Variants in ELAVL2 observed in about 807,000 individuals in gnomAD.
ELAVL2 encodes the protein ELAV like RNA binding protein 2, also known as ELAV-like protein 2.
A neutral mutation model predicts 34.6 loss-of-function variants in ELAVL2; 4 were observed. The observed-to-expected ratio is 0.12, with a 90% CI of 0.06 to 0.26. ELAVL2 has a LOEUF of 0.26. Among genes scored for constraint, ELAVL2 ranks in the 10% least tolerant of loss-of-function variants. The pLI is 1.00. For missense variants in ELAVL2, 432 were observed against 442.8 expected, an observed-to-expected ratio of 0.98 and a Z score of 0.22; for synonymous variants, 193 against 154.8, an observed-to-expected ratio of 1.25 and a Z score of -1.83.
chr9:23,739,822 C>A (rs931267663), intron 2 of ELAVL2, among the ~76,000 whole-genome samples: 8 of 152,004 alleles, frequency 5.3e-5, no homozygotes, highest in African/African-American at 1.9e-4. Context: ...ACTAAGCAGT[C>A]CATCAAGAGG....
At chr9:23,699,001 T>A (rs146232552) in intron 5 of ELAVL2, among the ~76,000 whole-genome samples, 1 of 152,222 alleles carries the variant, frequency 6.6e-6, no homozygotes, top group Non-Finnish European at 1.5e-5. Flanking sequence ...TTTCTCCCAT[T>A]TTCTGAAACC....
upstream of ELAVL2, among the ~76,000 whole-genome samples, chr9:23,829,232 G>A (rs77653299): frequency 6.6e-6 from 1 of 152,174 alleles, no homozygotes; most frequent in Non-Finnish European, 1.5e-5. Flanking sequence ...AGTTGCAAAA[G>A]AATAGTTCTC....
chr9:23,811,467 A>G (rs897453107), intron 1 of ELAVL2, among the ~76,000 whole-genome samples: 2 of 152,248 alleles, frequency 1.3e-5, no homozygotes, highest in African/African-American at 4.8e-5. Flanking sequence ...CCTGGAAGAC[A>G]TGGCCTTAGC....
chr9:23,705,791 G>A (rs923439674), intron 3 of ELAVL2, among the ~76,000 whole-genome samples: 3 of 152,154 alleles, frequency 2.0e-5, no homozygotes, highest in African/African-American at 7.2e-5. Context: ...GCTCACCTCT[G>A]GCTGTGTGCA....
chr9:23,726,375 T>A (rs932941445), intron 3 of ELAVL2, among the ~76,000 whole-genome samples: 1 of 152,150 alleles, frequency 6.6e-6, no homozygotes, highest in African/African-American at 2.4e-5. Context: ...GCCTGGTCTA[T>A]AGCTGAATGA....
At chr9:23,751,456 T>A (rs1238420695) in intron 2 of ELAVL2, among the ~76,000 whole-genome samples, 1 of 152,132 alleles carries the variant, frequency 6.6e-6, no homozygotes, top group Non-Finnish European at 1.5e-5. Context: ...AATATTTCAA[T>A]GGAAAAGAAA....
chr9:23,740,329 G>A (rs1339888216), intron 2 of ELAVL2, among the ~76,000 whole-genome samples: 2 of 152,092 alleles, frequency 1.3e-5, no homozygotes, highest in East Asian at 1.9e-4. Flanking sequence ...TCCATTTTAC[G>A]GACATAAAGT....
At chr9:23,766,816 C>A (rs935230583) in intron 1 of ELAVL2, among the ~76,000 whole-genome samples, 1 of 152,064 alleles carries the variant, frequency 6.6e-6, no homozygotes, top group African/African-American at 2.4e-5. Context: ...TAAGGACAGG[C>A]AATTCTGCTC....
rs1038570914 is a variant in ELAVL2 at position 23,737,147 on chromosome 9, G to A, written c.230-6022C>T. On this transcript the variant is annotated intron_variant, in intron 2 of 6. Coordinates refer to ENST00000397312, the MANE Select transcript of ELAVL2 (RefSeq NM_004432.5). ...TCACTAGACTGCTGAGCAAGGGCAAGCAGAACATAGTTCCTGACAAGGAGG... is the reference window on the plus strand; with the variant it reads ...TCACTAGACTGCTGAGCAAGGGCAAACAGAACATAGTTCCTGACAAGGAGG... 3.8e-4 allele frequency among the ~76,000 whole-genome samples: 58 copies of A among 152,152 alleles called. 2 individuals carry two copies. The highest frequency in any genetic ancestry group is 4.4e-5 in the Non-Finnish European group (3 of 68,034).
the ELAVL2 span, among the ~76,000 whole-genome samples, chr9:23,843,036 A>G: frequency 6.6e-6 from 1 of 152,132 alleles, no homozygotes; most frequent in South Asian, 2.1e-4. Flanking sequence ...CTGAAGCAGC[A>G]ATCATCATCT....
chr9:23,847,671 T>A, the ELAVL2 span, among the ~76,000 whole-genome samples: 1 of 152,134 alleles, frequency 6.6e-6, no homozygotes, highest in Non-Finnish European at 1.5e-5. Flanking sequence ...AAAAAATTGG[T>A]AAGTGTACTT....
intron 1 of ELAVL2, among the ~76,000 whole-genome samples, chr9:23,782,441 G>A (rs2059187384): frequency 6.6e-6 from 1 of 152,118 alleles, no homozygotes; most frequent in East Asian, 1.9e-4. Context: ...GTGTGGTAGT[G>A]CACACCTGTA....
At chr9:23,807,404 A>G (rs1412358348) in intron 1 of ELAVL2, among the ~76,000 whole-genome samples, 1 of 152,080 alleles carries the variant, frequency 6.6e-6, no homozygotes, top group African/African-American at 2.4e-5. Context: ...TCTTACGAAC[A>G]TACCTAGCCC....
intron 2 of ELAVL2, among the ~76,000 whole-genome samples, chr9:23,757,721 G>A (rs1036420112): frequency 2.0e-5 from 3 of 151,908 alleles, no homozygotes; most frequent in Non-Finnish European, 4.4e-5. Context: ...GCATACAGCT[G>A]GGCAGAAGCC....
chr9:23,732,572 A>C lies in ELAVL2; in HGVS notation c.230-1447T>G, dbSNP rs796713832. Among the ~76,000 whole-genome samples, 64 of 152,272 alleles carry C rather than the reference A, an allele frequency of 4.2e-4. 1 individual carries two copies. The highest frequency in any genetic ancestry group is 1.5e-3 in the African/African-American group (63 of 41,546). On this transcript the variant is annotated intron_variant, in intron 2 of 6. Coordinates refer to ENST00000397312, the MANE Select transcript of ELAVL2 (RefSeq NM_004432.5). The stretch of plus-strand genomic sequence containing the variant: ...AGCATTCAGCTTTTCATTAATTCAA[A>C]ATTTATCATGTGTTTACTGCATGCA...
chr9:23,844,088 G>A, the ELAVL2 span, among the ~76,000 whole-genome samples: 1 of 151,960 alleles, frequency 6.6e-6, no homozygotes, highest in Non-Finnish European at 1.5e-5. Flanking sequence ...AAGTCAGTAA[G>A]CAAAATTCCA....
At chr9:23,837,313 G>A in the ELAVL2 span, among the ~76,000 whole-genome samples, 1 of 152,138 alleles carries the variant, frequency 6.6e-6, no homozygotes, top group Non-Finnish European at 1.5e-5. Flanking sequence ...TACGCACTGT[G>A]GCACTAAGCA....
At chr9:23,759,715 T>G (rs979683084) in intron 2 of ELAVL2, among the ~76,000 whole-genome samples, 3 of 141,014 alleles carry the variant, frequency 2.1e-5, no homozygotes, top group Non-Finnish European at 4.6e-5. Context: ...TATATAGTAG[T>G]GTACACGTAA....
At chr9:23,723,072 A>C (rs1201963348) in intron 3 of ELAVL2, among the ~76,000 whole-genome samples, 1 of 152,172 alleles carries the variant, frequency 6.6e-6, no homozygotes, top group African/African-American at 2.4e-5. Flanking sequence ...CAGGTAGAAA[A>C]GATTTTTGTT....
Sources: gnomAD v4.1 joint callset for allele counts (sites outside exome capture counted in the v4.1 genomes callset) on GRCh38, gnomAD v4.1.1 for gene constraint, MANE v1.5 for transcripts, NCBI Gene and HGNC (gene_info 2026-07-23, HGNC 2026-07-21) for gene names.